Variants in FUBP1 observed in about 807,000 individuals in gnomAD.
FUBP1 encodes the protein far upstream element binding protein 1.
A neutral mutation model predicts 94.9 loss-of-function variants in FUBP1; 16 were observed. That is an observed-to-expected ratio of 0.17 (90% CI 0.11 to 0.26). FUBP1 has a LOEUF of 0.26. FUBP1 is among the 10% of genes least tolerant of loss of function. FUBP1 has a pLI of 1.00. For missense variants in FUBP1, 583 were observed against 808.6 expected (o/e 0.72, Z 3.38); for synonymous variants, 279 against 254.9 (o/e 1.09, Z -0.90).
At chr1:77,977,214 GA>G (rs200931704) in intron 1 of FUBP1, among the ~76,000 whole-genome samples, 1 of 151,484 alleles carries the variant, frequency 6.6e-6, no homozygotes, top group Non-Finnish European at 1.5e-5. Flanking sequence ...ACAAACAAAC[GA>G]AAAAAAACAA....
Position 77,966,973 on chromosome 1 carries a change from A to AT in FUBP1, c.344-19_344-18insA. 3.8e-6 allele frequency: 6 copies of AT among 1,581,340 alleles called. No homozygotes were observed. Among genetic ancestry groups the AT allele is most frequent in the African/African-American group, 1.4e-5 (1 of 73,310 alleles). On this transcript the variant is annotated intron_variant, in intron 5 of 19. Coordinates refer to ENST00000370768, the MANE Select transcript of FUBP1 (RefSeq NM_003902.5). ...GCCAATTACTAGTTAGAAAAAAAAA[A>AT]ATTTTTTTTTTGGTTGAAAGATTCT... is the stretch of plus-strand genomic sequence containing the variant.
chr1:77,962,970 GGT>G (rs1655782287), intron 13 of FUBP1, 40 bp from the exon 14 acceptor site: 1 of 1,445,864 alleles, frequency 6.9e-7, no homozygotes, highest in Admixed American at 1.8e-5. Context: ...AGGTTTCAAG[GGT>G]GTACTAGGAG....
intron 19 of FUBP1, 138 bp downstream of exon 19, chr1:77,949,017 A>G (rs1454178427): frequency 2.1e-6 from 2 of 945,928 alleles, no homozygotes; most frequent in East Asian, 5.1e-5. Context: ...CAAACAATAC[A>G]CCGTAGTACT....
At position 77,968,177 on chromosome 1, in the gene FUBP1, G is replaced by A. The variant is rs754339243; in HGVS notation, c.238C>T (p.Pro80Ser). The A allele has an allele frequency of 2.7e-5, 42 of 1,537,714 alleles. No individual in the cohort carries two copies. The highest frequency in any genetic ancestry group is 3.6e-5 in the Non-Finnish European group (41 of 1,149,934). The stretch of plus-strand genomic sequence containing the variant: ...AAGGAATACTTACAGTCATTTTGAG[G>A]AGCAACTTTCTTAGCATCTGGTTGA... ...GDQPDAKKVA[P>S]QNDSFGTQLP... is the part of the protein sequence containing the mutation. Residue 80 changes from proline to serine, a missense_variant, in exon 3 of 20, where the codon CCT becomes TCT. Physicochemically the swap from Pro to Ser is moderately conservative, Grantham distance 74 (BLOSUM62 -1). Transcript: ENST00000370768.
At position 77,946,675 on chromosome 1, in the gene FUBP1, G is replaced by C. The variant is rs1652221165; in HGVS notation, c.*2091C>G. On this transcript the variant is annotated 3_prime_UTR_variant, in exon 20 of 20. Transcript: ENST00000370768. ...CCTCCAATTTGTGAATTATGATACT[G>C]AATTCAACTGAACTACTTCTTCAGT... The C allele has an allele frequency of 4.9e-6, 1 of 204,480 alleles. No individual in the cohort carries two copies. Among genetic ancestry groups the C allele is most frequent in the African/African-American group, 2.3e-5 (1 of 43,874 alleles). 12.7% of individuals were successfully genotyped at this position (204,480 alleles called of 1,614,324 possible). A position where few individuals can be genotyped will look rare whatever the true frequency, so the allele number is the denominator to read the frequency against.
chr1:77,967,158 T>G (rs1433462554), intron 4 of FUBP1, 57 bp from the exon 5 acceptor site: 1 of 1,105,126 alleles, frequency 9.0e-7, no homozygotes, highest in African/African-American at 1.6e-5. Flanking sequence ...TGTTTACAAA[T>G]AAAAGATAAT....
chr1:77,963,070 T>TTTCATTTATA lies in FUBP1; in HGVS notation c.1184-141_1184-140insTATAAATGAA, dbSNP rs1655809263. ...TAATTGACAATATTGTATTAAGATT[T>TTTCATTTATA]TTCATTTAATATTCTACACTGAAAA... On this transcript the variant is annotated intron_variant, in intron 13 of 19. Coordinates refer to ENST00000370768, the MANE Select transcript of FUBP1 (RefSeq NM_003902.5). 3 of 515,950 alleles carry TTTCATTTATA rather than the reference T, an allele frequency of 5.8e-6. No homozygotes were observed. The Admixed American group carries it at 1.0e-4, about 18-fold the overall frequency. The allele number at this position is 515,950 out of a possible 1,614,324, so 32.0% of individuals were successfully genotyped here.
chr1:77,951,353 T>C (rs1377951123), intron 18 of FUBP1, among the ~76,000 whole-genome samples: 8 of 152,226 alleles, frequency 5.3e-5, no homozygotes, highest in Non-Finnish European at 8.8e-5. Flanking sequence ...AAAAACCAAA[T>C]TCTTGGTAAA....
intron 11 of FUBP1, 23 bp downstream of exon 11, chr1:77,964,231 A>G: frequency 6.4e-7 from 1 of 1,558,390 alleles, no homozygotes; most frequent in Non-Finnish European, 8.9e-7. Context: ...GCCAACACTT[A>G]CAAGATTATT....
chr1:77,963,291 C>A (rs917937694), intron 13 of FUBP1, among the ~76,000 whole-genome samples: 5 of 152,016 alleles, frequency 3.3e-5, no homozygotes, highest in Admixed American at 2.6e-4. Flanking sequence ...AATGCACAAA[C>A]AAAAACACTC....
At chr1:77,951,600 G>C (rs950233597) in intron 18 of FUBP1, among the ~76,000 whole-genome samples, 1 of 152,198 alleles carries the variant, frequency 6.6e-6, no homozygotes, top group African/African-American at 2.4e-5. Flanking sequence ...CCAGAACACA[G>C]TGGCAGTGGT....
chr1:77,971,907 A>C (rs1022605979), intron 1 of FUBP1, among the ~76,000 whole-genome samples: 1 of 150,532 alleles, frequency 6.6e-6, no homozygotes, highest in African/African-American at 2.4e-5. Flanking sequence ...CGGGAGGCTC[A>C]GGTGGGAGAA....
intron 7 of FUBP1, 111 bp from the exon 8 acceptor site, chr1:77,965,342 A>C (rs1656275459): frequency 1.8e-6 from 1 of 565,112 alleles, no homozygotes; most frequent in Non-Finnish European, 3.0e-6. Flanking sequence ...GTTCAGGATT[A>C]GGTGCCTTGA....
At chr1:77,965,037 C>G (rs1208373458) in intron 8 of FUBP1, 32 bp downstream of exon 8, 3 of 1,602,820 alleles carry the variant, frequency 1.9e-6, no homozygotes, top group Admixed American at 3.3e-5. Context: ...CAAAACAGAT[C>G]AAAAGTAGCC....
chr1:77,966,802 A>AT, intron 6 of FUBP1, 51 bp from the exon 7 acceptor site: 2 of 1,301,324 alleles, frequency 1.5e-6, no homozygotes, highest in Non-Finnish European at 2.2e-6. Flanking sequence ...TAAAAGTAGC[A>AT]TTATTGTTAC....
chr1:77,948,537 T>G lies in FUBP1; in HGVS notation c.*229A>C. The G allele has an allele frequency of 7.8e-7, 1 of 1,290,108 alleles. No individual in the cohort carries two copies. The highest frequency in any genetic ancestry group is 1.6e-5 in the African/African-American group (1 of 63,572). 79.9% of individuals were successfully genotyped at this position (1,290,108 alleles called of 1,614,324 possible). A position where few individuals can be genotyped will look rare whatever the true frequency, so the allele number is the denominator to read the frequency against. ...ATACATTTGCTGGAATGTGTACATC[T>G]ACACTAAATACTAAAAACAAACCAA... On this transcript the variant is annotated 3_prime_UTR_variant, in exon 20 of 20. Coordinates refer to ENST00000370768, the MANE Select transcript of FUBP1 (RefSeq NM_003902.5).
At chr1:77,958,908 A>T (rs183472310) in intron 16 of FUBP1, among the ~76,000 whole-genome samples, 8 of 152,274 alleles carry the variant, frequency 5.3e-5, no homozygotes, top group African/African-American at 1.9e-4. Context: ...ATTAGTTGTT[A>T]AGAGTATTAT....
At position 77,946,865 on chromosome 1, in the gene FUBP1, G is replaced by A; in HGVS notation, c.*1901C>T. 1 of 204,056 alleles carries A rather than the reference G, an allele frequency of 4.9e-6. No individual in the cohort carries two copies. The highest frequency in any genetic ancestry group is 1.0e-5 in the Non-Finnish European group (1 of 99,624). 12.6% of individuals were successfully genotyped at this position (204,056 alleles called of 1,614,324 possible). Reference sequence around the variant, plus strand: ...ACTATATATGCAGATCTAAATAAGGGTAAGGGAAGTCACTCTAGGTTATAT... The same window carrying A: ...ACTATATATGCAGATCTAAATAAGGATAAGGGAAGTCACTCTAGGTTATAT... On this transcript the variant is annotated 3_prime_UTR_variant, in exon 20 of 20. Coordinates refer to ENST00000370768, the MANE Select transcript of FUBP1 (RefSeq NM_003902.5).
At chr1:77,966,458 G>A (rs1393507085) in intron 7 of FUBP1, among the ~76,000 whole-genome samples, 1 of 152,234 alleles carries the variant, frequency 6.6e-6, no homozygotes, top group Non-Finnish European at 1.5e-5. Context: ...GGCTTTACAA[G>A]TAGAGACTGG....
Sources: gnomAD v4.1 joint callset for allele counts (sites outside exome capture counted in the v4.1 genomes callset) on GRCh38, gnomAD v4.1.1 for gene constraint, MANE v1.5 for transcripts, NCBI Gene and HGNC (gene_info 2026-07-23, HGNC 2026-07-21) for gene names.